KLF12: variants seen among roughly 807,000 people sequenced by gnomAD.
KLF12 encodes the protein KLF transcription factor 12.
KLF12 carries 9 observed loss-of-function variants against 37.8 expected under a neutral mutation model. The observed-to-expected ratio is 0.24, with a 90% CI of 0.14 to 0.42. The LOEUF is 0.42. KLF12 is among the 10% of genes least tolerant of loss of function. The pLI, the probability that KLF12 is intolerant of heterozygous loss-of-function variation, is 1.00. For synonymous variants in KLF12, 208 were observed against 202.1 expected, an observed-to-expected ratio of 1.03 and a Z score of -0.25; for missense variants, 411 against 516.0, an observed-to-expected ratio of 0.80 and a Z score of 1.97.
At chr13:74,234,533 A>G in the KLF12 span, among the ~76,000 whole-genome samples, 212 of 152,270 alleles carry the variant, frequency 1.4e-3, no homozygotes, top group Non-Finnish European at 2.6e-3. Flanking sequence ...ATAATATCCA[A>G]TCTTTAATGT....
At chr13:73,962,363 T>G (rs972215678) in intron 2 of KLF12, among the ~76,000 whole-genome samples, 12 of 152,144 alleles carry the variant, frequency 7.9e-5, no homozygotes, top group African/African-American at 2.9e-4. Flanking sequence ...GCATAGAAGA[T>G]TTCTAGAACA....
At chr13:73,765,309 A>G (rs1165430533) in intron 5 of KLF12, among the ~76,000 whole-genome samples, 3 of 152,166 alleles carry the variant, frequency 2.0e-5, no homozygotes, top group Non-Finnish European at 4.4e-5. Flanking sequence ...CTTGCCAGGT[A>G]CAAGGGTGGG....
At chr13:74,113,929 A>T (rs1250563871) in intron 1 of KLF12, among the ~76,000 whole-genome samples, 2 of 152,226 alleles carry the variant, frequency 1.3e-5, no homozygotes, top group Non-Finnish European at 2.9e-5. Context: ...GAAGGAGTTT[A>T]GAAGAAGCTG....
At chr13:74,070,119 CT>C (rs1874143612) in intron 1 of KLF12, among the ~76,000 whole-genome samples, 1 of 152,140 alleles carries the variant, frequency 6.6e-6, no homozygotes, top group South Asian at 2.1e-4. Context: ...ACAGATGAAA[CT>C]CTTTCAAATG....
At chr13:74,251,363 C>T in the KLF12 span, among the ~76,000 whole-genome samples, 1 of 151,980 alleles carries the variant, frequency 6.6e-6, no homozygotes, top group South Asian at 2.1e-4. Context: ...GCAGGCTGGT[C>T]TTGAACTCCT....
chr13:73,690,023 A>G lies in KLF12; in HGVS notation c.*5467T>C, dbSNP rs1045983113. On this transcript the variant is annotated 3_prime_UTR_variant, in exon 8 of 8. Transcript: ENST00000377669. ...CAAGTTAGAAAGATCAAATTAAGAA[A>G]TGTTAATGTAAACAAGATTAGGTAT... is the stretch of plus-strand genomic sequence containing the variant. 3 of 152,508 alleles carry G rather than the reference A, an allele frequency of 2.0e-5. No individual in the cohort carries two copies. The highest frequency in any genetic ancestry group is 7.2e-5 in the African/African-American group (3 of 41,452). The allele number at this position is 152,508 out of a possible 1,614,324, so 9.4% of individuals were successfully genotyped here.
the KLF12 span, among the ~76,000 whole-genome samples, chr13:74,220,220 A>G: frequency 2.0e-5 from 3 of 152,094 alleles, no homozygotes; most frequent in Non-Finnish European, 4.4e-5. Flanking sequence ...ATTAATTTTG[A>G]TTATAGTATA....
intron 3 of KLF12, among the ~76,000 whole-genome samples, chr13:73,850,646 G>A (rs941505486): frequency 1.3e-5 from 2 of 152,274 alleles, no homozygotes; most frequent in Non-Finnish European, 2.9e-5. Context: ...ACTAAATGTC[G>A]TTCAAGATTC....
At chr13:74,289,928 C>G in the KLF12 span, among the ~76,000 whole-genome samples, 9 of 152,292 alleles carry the variant, frequency 5.9e-5, no homozygotes, top group South Asian at 1.9e-3. Flanking sequence ...GAGTTAAAAA[C>G]TTGAGTGGGC....
intron 1 of KLF12, among the ~76,000 whole-genome samples, chr13:74,094,049 T>C (rs1421531482): frequency 6.6e-6 from 1 of 152,008 alleles, no homozygotes; most frequent in Non-Finnish European, 1.5e-5. Context: ...ATTTGATACA[T>C]GCTAAGTATA....
At chr13:73,793,255 G>T (rs1390008251) in intron 5 of KLF12, among the ~76,000 whole-genome samples, 1 of 152,160 alleles carries the variant, frequency 6.6e-6, no homozygotes. Flanking sequence ...AGATGTGTGT[G>T]CGGTCTGCCC....
At chr13:74,071,067 C>A (rs1356906041) in intron 1 of KLF12, among the ~76,000 whole-genome samples, 1 of 152,152 alleles carries the variant, frequency 6.6e-6, no homozygotes, top group Non-Finnish European at 1.5e-5. Context: ...ATAATGTTAA[C>A]CACCACACCC....
At chr13:74,305,757 C>T in the KLF12 span, among the ~76,000 whole-genome samples, 481 of 152,140 alleles carry the variant, frequency 3.2e-3, 1 homozygote, top group Non-Finnish European at 5.5e-3. Flanking sequence ...TGCTCTTTTC[C>T]TCTGAAGTGA....
At chr13:74,195,904 G>A in the KLF12 span, among the ~76,000 whole-genome samples, 1 of 152,084 alleles carries the variant, frequency 6.6e-6, no homozygotes, top group Non-Finnish European at 1.5e-5. Context: ...TTTTATGGCT[G>A]ATGGCCACAC....
rs1052269567 is a variant in KLF12, at chr13:73,960,409, A to T, written c.34-16339T>A. 1.0e-5 allele frequency: 3 copies of T among 300,602 alleles called. No homozygotes were observed. The East Asian group carries it at 2.5e-4, about 25-fold the overall frequency. 18.6% of individuals were successfully genotyped at this position (300,602 alleles called of 1,614,324 possible). A position where few individuals can be genotyped will look rare whatever the true frequency, so the allele number is the denominator to read the frequency against. On this transcript the variant is annotated intron_variant, in intron 2 of 7. Transcript: ENST00000377669. ...TTTCTCACTTTTTAAAATAATTTTAAATGTTATCTATACAATTAAAATAAA... is the reference window on the plus strand; with the variant it reads ...TTTCTCACTTTTTAAAATAATTTTATATGTTATCTATACAATTAAAATAAA...
intron 6 of KLF12, among the ~76,000 whole-genome samples, chr13:73,751,320 T>A (rs2137971562): frequency 6.6e-6 from 1 of 152,330 alleles, no homozygotes; most frequent in Admixed American, 6.5e-5. Context: ...ATGTTCGTAC[T>A]GTTTTCCATA....
intron 1 of KLF12, among the ~76,000 whole-genome samples, chr13:74,105,624 G>A (rs529663484): frequency 2.6e-5 from 4 of 152,164 alleles, no homozygotes; most frequent in Admixed American, 2.6e-4. Flanking sequence ...GGATGCACAG[G>A]CTGAATTCTT....
intron 1 of KLF12, among the ~76,000 whole-genome samples, chr13:74,091,505 A>G (rs1475478899): frequency 6.6e-6 from 1 of 152,178 alleles, no homozygotes; most frequent in African/African-American, 2.4e-5. Flanking sequence ...TCATGGCTTA[A>G]TATTTCATTT....
At chr13:74,212,977 G>A in the KLF12 span, among the ~76,000 whole-genome samples, 4 of 152,072 alleles carry the variant, frequency 2.6e-5, no homozygotes, top group African/African-American at 9.7e-5. Flanking sequence ...TTCTTAGAAT[G>A]AATGTGGCAC....
Sources: gnomAD v4.1 joint callset for allele counts (sites outside exome capture counted in the v4.1 genomes callset) on GRCh38, gnomAD v4.1.1 for gene constraint, MANE v1.5 for transcripts, NCBI Gene and HGNC (gene_info 2026-07-23, HGNC 2026-07-21) for gene names.